Variants in MAPK10 observed in about 807,000 individuals in gnomAD.
MAPK10 encodes JNK3 alpha protein kinase.
Under a neutral mutation model 59.3 loss-of-function variants are expected in MAPK10, and 25 were observed. The ratio of observed to expected loss-of-function variants is 0.42; its 90% CI spans 0.31 to 0.59. The LOEUF (loss-of-function observed/expected upper bound fraction) is 0.59, where lower values mean the gene tolerates loss of function less well. MAPK10 is among the 20% of genes least tolerant of loss of function. The probability of loss-of-function intolerance (pLI) is 0.15; values close to 1 mark genes in which losing one functional copy is unlikely to be tolerated. For synonymous variants in MAPK10, 190 were observed against 200.5 expected (o/e 0.95, Z 0.44); for missense variants, 351 against 568.9 (o/e 0.62, Z 3.90).
intron 2 of MAPK10, among the ~76,000 whole-genome samples, chr4:86,233,124 G>A (rs536480933): frequency 3.3e-5 from 5 of 152,262 alleles, no homozygotes; most frequent in South Asian, 4.1e-4. Flanking sequence ...GCCCAGGGTC[G>A]TATGTCAGAA....
At chr4:86,436,080 GA>G (rs1748682514) in intron 1 of MAPK10, among the ~76,000 whole-genome samples, 1 of 152,060 alleles carries the variant, frequency 6.6e-6, no homozygotes, top group Non-Finnish European at 1.5e-5. Flanking sequence ...AATAACTTCA[GA>G]GAAAACTTTG....
intron 11 of MAPK10, chr4:86,044,882 T>C: frequency 2.5e-6 from 1 of 395,850 alleles, no homozygotes; most frequent in Non-Finnish European, 4.5e-6. Flanking sequence ...CAAGAGAAAC[T>C]AGTTCCAAAT....
intron 2 of MAPK10, among the ~76,000 whole-genome samples, chr4:86,218,453 G>A (rs1466407631): frequency 6.6e-6 from 1 of 151,534 alleles, no homozygotes; most frequent in Non-Finnish European, 1.5e-5. Flanking sequence ...GAGCCACCGC[G>A]CCTGGCCTAG....
At chr4:86,586,077 C>T (rs1016411587) in intron 1 of MAPK10, among the ~76,000 whole-genome samples, 45 of 152,086 alleles carry the variant, frequency 3.0e-4, no homozygotes, top group African/African-American at 1.0e-3. Flanking sequence ...AAGGCAAGTC[C>T]CTGTGGGTCA....
chr4:86,058,345 C>T (rs2045055059), intron 11 of MAPK10, among the ~76,000 whole-genome samples: 1 of 149,398 alleles, frequency 6.7e-6, no homozygotes, highest in Non-Finnish European at 1.5e-5. Context: ...ATGCTGTCCT[C>T]CCCCTTTCTT....
intron 4 of MAPK10, among the ~76,000 whole-genome samples, chr4:86,114,981 G>A (rs2058087696): frequency 6.6e-6 from 1 of 152,226 alleles, no homozygotes; most frequent in Admixed American, 6.5e-5. Flanking sequence ...GCTGCTATGG[G>A]AAATTCCTCT....
At chr4:86,326,739 A>C (rs2096031575) in intron 2 of MAPK10, 1 of 152,238 alleles carries the variant, frequency 6.6e-6, no homozygotes, top group South Asian at 2.1e-4. Flanking sequence ...TCTAGCATTC[A>C]GTAGGGAGAT....
At chr4:86,456,178 T>C (rs1370634448), upstream of MAPK10, among the ~76,000 whole-genome samples, 4 of 152,144 alleles carry the variant, frequency 2.6e-5, no homozygotes, top group Non-Finnish European at 5.9e-5. Context: ...GGAAAGTTCA[T>C]AGCTCTAAAT....
chr4:86,016,605 TAAC>T lies in MAPK10; in HGVS notation c.*620_*622del, dbSNP rs1743409632. 1 of 152,648 alleles carries T rather than the reference TAAC, an allele frequency of 6.6e-6. No homozygotes were observed. Among genetic ancestry groups the T allele is most frequent in the South Asian group, 2.1e-4 (1 of 4,824 alleles). 9.5% of individuals were successfully genotyped at this position (152,648 alleles called of 1,614,324 possible). On this transcript the variant is annotated 3_prime_UTR_variant, in exon 14 of 14. Transcript: ENST00000641462. ...TTATAAGACATACAGTTTAATCAATTAACAAACTAAACAGCTTATATACTGGCA... is the reference window on the plus strand; with the variant it reads ...TTATAAGACATACAGTTTAATCAATTAAACTAAACAGCTTATATACTGGCA...
chr4:86,581,662 T>C, intron 1 of MAPK10, among the ~76,000 whole-genome samples: 1 of 147,156 alleles, frequency 6.8e-6, no homozygotes. Flanking sequence ...TAAGCTATCT[T>C]TTTTTTTCAG....
intron 2 of MAPK10, among the ~76,000 whole-genome samples, chr4:86,202,929 A>G (rs777039495): frequency 2.6e-5 from 4 of 151,934 alleles, no homozygotes; most frequent in Non-Finnish European, 4.4e-5. Flanking sequence ...TACTATGACA[A>G]TCCCAGCAAA....
chr4:86,364,308 T>G (rs1012701717), upstream of MAPK10, among the ~76,000 whole-genome samples: 7 of 152,084 alleles, frequency 4.6e-5, no homozygotes, highest in Admixed American at 6.6e-5. Flanking sequence ...TTTGTGTTTT[T>G]GGTAGAGACA....
chr4:86,547,601 C>A (rs895135818), intron 1 of MAPK10, among the ~76,000 whole-genome samples: 1 of 152,336 alleles, frequency 6.6e-6, no homozygotes, highest in East Asian at 1.9e-4. Flanking sequence ...TGCTCCACAG[C>A]ACCCAGTCCC....
chr4:86,143,897 G>A (rs1397244560), intron 4 of MAPK10, among the ~76,000 whole-genome samples: 1 of 152,088 alleles, frequency 6.6e-6, no homozygotes, highest in East Asian at 1.9e-4. Context: ...ATGGGCAAAA[G>A]CTAAAATTCC....
intron 1 of MAPK10, among the ~76,000 whole-genome samples, chr4:86,558,654 ATTAC>A (rs1202954572): frequency 6.6e-6 from 1 of 152,154 alleles, no homozygotes; most frequent in Non-Finnish European, 1.5e-5. Context: ...GCTAAGTTGA[ATTAC>A]TTTTTCACTC....
chr4:86,374,672 C>T (rs890712113), intron 1 of MAPK10, among the ~76,000 whole-genome samples: 1 of 152,200 alleles, frequency 6.6e-6, no homozygotes, highest in Non-Finnish European at 1.5e-5. Context: ...GCTAATAGGA[C>T]ACCTGATGTT....
intron 2 of MAPK10, among the ~76,000 whole-genome samples, chr4:86,252,410 C>A: frequency 8.8e-6 from 1 of 114,006 alleles, no homozygotes. Flanking sequence ...GTTTTCCCAG[C>A]ACCATTTATT....
At chr4:86,434,926 A>G (rs1450207848) in intron 1 of MAPK10, among the ~76,000 whole-genome samples, 1 of 152,256 alleles carries the variant, frequency 6.6e-6, no homozygotes, top group Non-Finnish European at 1.5e-5. Flanking sequence ...TAAATAAAAT[A>G]TGATCTATAT....
chr4:86,120,537 G>C (rs2059064306), intron 4 of MAPK10: 1 of 152,186 alleles, frequency 6.6e-6, no homozygotes, highest in Non-Finnish European at 1.5e-5. Context: ...TGGAAATCAG[G>C]ATGGTGACAT....
Sources: allele counts gnomAD v4.1 joint callset (sites outside exome capture counted in the v4.1 genomes callset), GRCh38; gene constraint gnomAD v4.1.1; transcripts MANE v1.5; gene names NCBI Gene and HGNC (gene_info 2026-07-23, HGNC 2026-07-21).